Variants in RAB8B observed in about 807,000 individuals in gnomAD.
RAB8B encodes the protein ras-related protein Rab-8B.
In RAB8B, 11 loss-of-function variants were observed where a neutral mutation model predicts 32.0. The observed-to-expected ratio is 0.34, with a 90% CI of 0.22 to 0.57. The LOEUF (loss-of-function observed/expected upper bound fraction) is 0.57. Among genes scored for constraint, RAB8B ranks in the 20% least tolerant of loss-of-function variants. The probability of loss-of-function intolerance (pLI) is 0.86; values close to 1 mark genes in which losing one functional copy is unlikely to be tolerated. For missense variants in RAB8B, 190 were observed against 258.5 expected, an observed-to-expected ratio of 0.73 and a Z score of 1.82; for synonymous variants, 103 against 89.6, an observed-to-expected ratio of 1.15 and a Z score of -0.85.
At position 63,216,035 on chromosome 15, in the gene RAB8B, C is replaced by CA. The variant is rs201136553; in HGVS notation, c.124+26295dup. On this transcript the variant is annotated intron_variant, in intron 1 of 7. Coordinates refer to ENST00000321437, the MANE Select transcript of RAB8B (RefSeq NM_016530.3). ...TCTGGGCAGCAGAATGAGACCGTCT[C>CA]AAAAAAAAGAAAAATTAAAGAAAAT... is the stretch of plus-strand genomic sequence containing the variant. 5.4e-3 allele frequency among the ~76,000 whole-genome samples: 816 copies of CA among 150,494 alleles called. 7 individuals carry two copies. The highest frequency in any genetic ancestry group is 0.018 in the African/African-American group (726 of 40,946).
chr15:63,258,056 A>G (rs1424314750), intron 5 of RAB8B, among the ~76,000 whole-genome samples: 2 of 149,298 alleles, frequency 1.3e-5, no homozygotes, highest in Admixed American at 1.3e-4. Context: ...ACAGAGCAAG[A>G]CTGTGTCTCA....
Position 63,202,089 on chromosome 15 carries a change from T to TA in RAB8B, c.124+12371dup, listed in dbSNP as rs146981058. Among the ~76,000 whole-genome samples the TA allele has an allele frequency of 7.9e-3, 678 of 85,690 alleles. 13 individuals are homozygous for TA. Among genetic ancestry groups the TA allele is most frequent in the Non-Finnish European group, 9.5e-3 (435 of 45,558 alleles). The allele number at this position is 85,690 out of a possible 152,430, so 56.2% of individuals were successfully genotyped here. ...TAACACGGTGAAACCCCGTCTCTAC[T>TA]AAAAAAAAAAAAAAAAAAAAAAAAA... is the stretch of plus-strand genomic sequence containing the variant. On this transcript the variant is annotated intron_variant, in intron 1 of 7. Coordinates refer to ENST00000321437, the MANE Select transcript of RAB8B (RefSeq NM_016530.3).
At chr15:63,226,957 C>G (rs919783489) in intron 1 of RAB8B, among the ~76,000 whole-genome samples, 2 of 152,030 alleles carry the variant, frequency 1.3e-5, no homozygotes, top group Admixed American at 1.3e-4. Flanking sequence ...AGGGTAACTT[C>G]TTGACATTGC....
At chr15:63,254,410 A>T (rs929315487) in intron 3 of RAB8B, among the ~76,000 whole-genome samples, 1 of 151,930 alleles carries the variant, frequency 6.6e-6, no homozygotes, top group Non-Finnish European at 1.5e-5. Context: ...TTAGCCATCT[A>T]CAAGAGGAAG....
At chr15:63,252,108 T>C (rs1487350052) in intron 3 of RAB8B, among the ~76,000 whole-genome samples, 1 of 151,916 alleles carries the variant, frequency 6.6e-6, no homozygotes, top group Non-Finnish European at 1.5e-5. Flanking sequence ...GAAGCTATTC[T>C]TCTTGTAGAT....
chr15:63,196,776 C>G (rs1193745550), intron 1 of RAB8B, among the ~76,000 whole-genome samples: 1 of 152,020 alleles, frequency 6.6e-6, no homozygotes, highest in Non-Finnish European at 1.5e-5. Context: ...TGTTACTTCC[C>G]CCAGTATAAA....
rs929318457 is a variant in RAB8B, at chr15:63,266,786, A to G, written c.*3167A>G. 2 of 152,610 alleles carry G rather than the reference A, an allele frequency of 1.3e-5. No homozygotes were observed. The highest frequency in any genetic ancestry group is 2.9e-5 in the Non-Finnish European group (2 of 68,008). The allele number at this position is 152,610 out of a possible 1,614,324, so 9.5% of individuals were successfully genotyped here. On this transcript the variant is annotated 3_prime_UTR_variant, in exon 8 of 8. Coordinates refer to ENST00000321437, the MANE Select transcript of RAB8B (RefSeq NM_016530.3). Reference sequence around the variant, plus strand: ...TTGCAGAAGTTTCTAGTAAGAGATTATAACTCCATTTTACAGGTTCTGAAT... The same window carrying G: ...TTGCAGAAGTTTCTAGTAAGAGATTGTAACTCCATTTTACAGGTTCTGAAT...
intron 1 of RAB8B, among the ~76,000 whole-genome samples, chr15:63,242,550 T>C (rs887598594): frequency 2.6e-5 from 4 of 152,068 alleles, no homozygotes. Flanking sequence ...TGATGGTGCA[T>C]ACCTGTAGTC....
At chr15:63,207,135 T>C (rs2037704875) in intron 1 of RAB8B, among the ~76,000 whole-genome samples, 1 of 152,236 alleles carries the variant, frequency 6.6e-6, no homozygotes, top group Non-Finnish European at 1.5e-5. Context: ...TTTTCTCTTT[T>C]AGAAATTGGA....
At chr15:63,227,566 T>G (rs1330846249) in intron 1 of RAB8B, among the ~76,000 whole-genome samples, 1 of 152,198 alleles carries the variant, frequency 6.6e-6, no homozygotes, top group Non-Finnish European at 1.5e-5. Context: ...GATGTTCAAT[T>G]TTGTTTTATT....
At chr15:63,197,315 G>C (rs1281196385) in intron 1 of RAB8B, among the ~76,000 whole-genome samples, 2 of 144,168 alleles carry the variant, frequency 1.4e-5, no homozygotes, top group African/African-American at 5.1e-5. Context: ...CTTTAGTCTT[G>C]AAACTGTCTT....
rs946245380 is a variant in RAB8B, at chr15:63,265,950, A to C, written c.*2331A>C. ...TAAATTGTCCTTGCTATTTTCTTACATTTAGCTTTGCTAGATTGTATATAC... is the reference window on the plus strand; with the variant it reads ...TAAATTGTCCTTGCTATTTTCTTACCTTTAGCTTTGCTAGATTGTATATAC... On this transcript the variant is annotated 3_prime_UTR_variant, in exon 8 of 8. Transcript: ENST00000321437. This position sits in a 1 kb window ranked among gnomAD's most constrained non-coding sequence, Gnocchi z 4.9. 1 of 152,588 alleles carries C rather than the reference A, an allele frequency of 6.6e-6. No individual in the cohort carries two copies. The highest frequency in any genetic ancestry group is 1.5e-5 in the Non-Finnish European group (1 of 67,992). The allele number at this position is 152,588 out of a possible 1,614,324, so 9.5% of individuals were successfully genotyped here. A position where few individuals can be genotyped will look rare whatever the true frequency, so the allele number is the denominator to read the frequency against.
chr15:63,256,464 T>G, intron 4 of RAB8B, 41 bp from the exon 5 acceptor site: 1 of 1,456,870 alleles, frequency 6.9e-7, no homozygotes. Context: ...TAACGGGTTT[T>G]TCTCAGGCTG....
intron 6 of RAB8B, among the ~76,000 whole-genome samples, chr15:63,261,748 T>A (rs1190556044): frequency 6.6e-6 from 1 of 152,220 alleles, no homozygotes; most frequent in Non-Finnish European, 1.5e-5. Flanking sequence ...GAAATAATCC[T>A]TTTCCTGAAC....
Position 63,234,227 on chromosome 15 carries a change from C to G in RAB8B, c.125-10529C>G, listed in dbSNP as rs533122074. Among the ~76,000 whole-genome samples the G allele has an allele frequency of 1.4e-3, 217 of 152,204 alleles. 2 individuals carry two copies. Among genetic ancestry groups the G allele is most frequent in the Admixed American group, 2.2e-3 (33 of 15,288 alleles). On this transcript the variant is annotated intron_variant, in intron 1 of 7. Coordinates refer to ENST00000321437, the MANE Select transcript of RAB8B (RefSeq NM_016530.3). ...CAGCTTATGCTGAAGGTCAGGAGAA[C>G]TAGTTGGCCCTAGAGAGAGAGTTCC...
chr15:63,192,728 A>C (rs1259168571), intron 1 of RAB8B, among the ~76,000 whole-genome samples: 1 of 152,214 alleles, frequency 6.6e-6, no homozygotes, highest in Non-Finnish European at 1.5e-5. Context: ...GTCATCACGA[A>C]GGGAAGGAGA....
intron 1 of RAB8B, among the ~76,000 whole-genome samples, chr15:63,235,303 C>T (rs1187948485): frequency 3.3e-5 from 5 of 152,066 alleles, no homozygotes; most frequent in East Asian, 1.9e-4. Flanking sequence ...TGAATAAGAG[C>T]GATAGAGCCT....
intron 3 of RAB8B, among the ~76,000 whole-genome samples, chr15:63,253,074 C>T (rs1353222752): frequency 6.6e-6 from 1 of 152,146 alleles, no homozygotes; most frequent in Non-Finnish European, 1.5e-5. Flanking sequence ...AAATTATTTA[C>T]ATGGAAACAA....
chr15:63,251,226 A>T (rs2038114456), intron 3 of RAB8B: 1 of 454,048 alleles, frequency 2.2e-6, no homozygotes. Flanking sequence ...ATCAAAGGGA[A>T]GGGGCTTATT....
Sources: allele counts gnomAD v4.1 joint callset (sites outside exome capture counted in the v4.1 genomes callset), GRCh38; gene constraint gnomAD v4.1.1; non-coding constraint Gnocchi (gnomAD v3.1); transcripts MANE v1.5; gene names NCBI Gene and HGNC (gene_info 2026-07-23, HGNC 2026-07-21).